Variants in SUSD1 observed in about 807,000 individuals in gnomAD.
SUSD1 encodes sushi domain containing 1.
In SUSD1, 65 loss-of-function variants were observed where a neutral mutation model predicts 86.9. The observed-to-expected ratio is 0.75, with a 90% CI of 0.61 to 0.92. SUSD1 has a LOEUF of 0.92. Ranked by LOEUF, SUSD1 falls within the 40% of genes least tolerant of loss-of-function variation. SUSD1 has a pLI of 0.00. For synonymous variants in SUSD1, 346 were observed against 350.0 expected (o/e 0.99, Z 0.13); for missense variants, 850 against 929.7 (o/e 0.91, Z 1.11).
At chr9:112,081,504 A>G (rs937122961) in intron 10 of SUSD1, among the ~76,000 whole-genome samples, 1 of 152,266 alleles carries the variant, frequency 6.6e-6, no homozygotes, top group African/African-American at 2.4e-5. Flanking sequence ...ACAGCTGGGT[A>G]GAGACAGGTT....
At chr9:112,121,829 AC>A (rs1194615751) in intron 6 of SUSD1, among the ~76,000 whole-genome samples, 1 of 152,220 alleles carries the variant, frequency 6.6e-6, no homozygotes, top group Non-Finnish European at 1.5e-5. Flanking sequence ...CTTCTGATCA[AC>A]CACCACAAAT....
At chr9:112,085,818 G>A (rs1314751670) in intron 10 of SUSD1, among the ~76,000 whole-genome samples, 5 of 151,984 alleles carry the variant, frequency 3.3e-5, no homozygotes, top group Non-Finnish European at 5.9e-5. Context: ...AACTCACTAC[G>A]CATCCTCCAA....
In SUSD1 at chr9:112,173,293, C is replaced by T. The variant is rs1257412510; in HGVS notation, c.103+1840G>A. Among the ~76,000 whole-genome samples, 5 of 152,026 alleles carry T rather than the reference C, an allele frequency of 3.3e-5. No homozygotes were observed. In the East Asian group the frequency reaches 5.8e-4, roughly 18 times the overall value. ...AAGCCAAAGAGAATGGGGGTGGGGGCGGCAGGCAGGATTCTCAACCACAAG... is the reference window on the plus strand; with the variant it reads ...AAGCCAAAGAGAATGGGGGTGGGGGTGGCAGGCAGGATTCTCAACCACAAG... On this transcript the variant is annotated intron_variant, in intron 1 of 16. Coordinates refer to ENST00000374270, the MANE Select transcript of SUSD1 (RefSeq NM_022486.5).
At chr9:112,072,145 TTTTTTTTTTTTG>T (rs1353149777) in intron 12 of SUSD1, among the ~76,000 whole-genome samples, 1 of 146,330 alleles carries the variant, frequency 6.8e-6, no homozygotes, top group Admixed American at 7.0e-5. Context: ...TTTCTCTTTT[TTTTTTTTTTTTG>T]TTTTTTTTTT....
chr9:112,166,426 A>G (rs1564358821), intron 1 of SUSD1, among the ~76,000 whole-genome samples: 1 of 152,208 alleles, frequency 6.6e-6, no homozygotes, highest in African/African-American at 2.4e-5. Context: ...CTGATTCAGT[A>G]GGGGAGAGGC....
rs1564292103 is a variant in SUSD1 at position 112,098,602 on chromosome 9, AGTTAAACGAT to A, written c.1332_1341del (p.Phe446GlnfsTer8). ...ACAGGCACTTGTTCCCTCGTTGTGA[AGTTAAACGAT>A]GTTGCATGAGAAAAGTTAGCCAGAT... On this transcript the variant is annotated frameshift_variant, in exon 10 of 17. Coordinates refer to ENST00000374270, the MANE Select transcript of SUSD1 (RefSeq NM_022486.5). LOFTEE classifies it high-confidence loss of function. The A allele has an allele frequency of 6.2e-7, 1 of 1,614,200 alleles. No homozygotes were observed. The highest frequency in any genetic ancestry group is 1.3e-5 in the African/African-American group (1 of 75,052).
At chr9:112,161,160 T>C (rs973589818) in intron 1 of SUSD1, among the ~76,000 whole-genome samples, 2 of 151,774 alleles carry the variant, frequency 1.3e-5, no homozygotes, top group African/African-American at 4.8e-5. Context: ...GGTGGATCAC[T>C]CGAGGTCAGG....
At chr9:112,120,431 T>C (rs1342781174) in intron 6 of SUSD1, among the ~76,000 whole-genome samples, 1 of 152,160 alleles carries the variant, frequency 6.6e-6, no homozygotes, top group African/African-American at 2.4e-5. Context: ...TCAGCAGCTC[T>C]CACTACATTA....
intron 5 of SUSD1, among the ~76,000 whole-genome samples, chr9:112,128,376 G>A (rs1831870161): frequency 6.6e-6 from 1 of 151,400 alleles, no homozygotes; most frequent in Non-Finnish European, 1.5e-5. Flanking sequence ...TTATAGGCGT[G>A]AGCCACCATG....
At chr9:112,136,143 G>A (rs1023241321) in intron 5 of SUSD1, among the ~76,000 whole-genome samples, 2 of 152,236 alleles carry the variant, frequency 1.3e-5, no homozygotes, top group African/African-American at 2.4e-5. Context: ...CAACGGGTAA[G>A]TCAATGCAGT....
chr9:112,068,358 T>C (rs1829085763), intron 12 of SUSD1, among the ~76,000 whole-genome samples: 2 of 151,572 alleles, frequency 1.3e-5, no homozygotes, highest in Admixed American at 1.3e-4. Flanking sequence ...GTTAGAGGGG[T>C]AGGTGTGGGT....
rs114264870 is a variant in SUSD1 at position 112,123,316 on chromosome 9, G to A, written c.886+941C>T. 6.8e-3 allele frequency among the ~76,000 whole-genome samples: 1,037 copies of A among 152,188 alleles called. 5 individuals carry two copies. The highest frequency in any genetic ancestry group is 0.023 in the African/African-American group (974 of 41,482). ...AGAGAGGGAGCCAGAAAGAGAGAAGGAGGTGCCAGGTTCCTTTTAACAATC... is the reference window on the plus strand; with the variant it reads ...AGAGAGGGAGCCAGAAAGAGAGAAGAAGGTGCCAGGTTCCTTTTAACAATC... On this transcript the variant is annotated intron_variant, in intron 6 of 16. Transcript: ENST00000374270.
chr9:112,096,523 A>C (rs890905289), intron 10 of SUSD1, among the ~76,000 whole-genome samples: 2 of 152,160 alleles, frequency 1.3e-5, no homozygotes, highest in Non-Finnish European at 2.9e-5. Context: ...TTATTTTACA[A>C]GGAGAGGTGG....
At chr9:112,108,973 A>G (rs1338209051) in intron 8 of SUSD1, among the ~76,000 whole-genome samples, 4 of 152,138 alleles carry the variant, frequency 2.6e-5, no homozygotes, top group Non-Finnish European at 4.4e-5. Flanking sequence ...TCAACCTCTA[A>G]AAAGAGAAAG....
At chr9:112,093,062 C>T (rs560337877) in intron 10 of SUSD1, among the ~76,000 whole-genome samples, 18 of 152,232 alleles carry the variant, frequency 1.2e-4, no homozygotes, top group Admixed American at 2.0e-4. Flanking sequence ...ACATAGACTC[C>T]TAGAACTATA....
chr9:112,056,201 A>G (rs1828440531), intron 14 of SUSD1, among the ~76,000 whole-genome samples: 1 of 152,010 alleles, frequency 6.6e-6, no homozygotes, highest in Admixed American at 6.6e-5. Flanking sequence ...CCGGGGGTTG[A>G]GGCTGCAGTG....
At chr9:112,085,783 A>G (rs901375203) in intron 10 of SUSD1, among the ~76,000 whole-genome samples, 2 of 152,180 alleles carry the variant, frequency 1.3e-5, no homozygotes, top group Non-Finnish European at 1.5e-5. Flanking sequence ...CCAATCATCA[A>G]AGATAATGGT....
Position 112,157,582 on chromosome 9 carries a change from A to G in SUSD1, c.135T>C (p.His45=). ...TCCCTTCTCTTTGCTGGCATGTGGCATGTTCATGGCAAGTGGCACAGACGT... is the reference window on the plus strand; with the variant it reads ...TCCCTTCTCTTTGCTGGCATGTGGCGTGTTCATGGCAAGTGGCACAGACGT... ...GLDVCATCHE[H]ATCQQREGKK... is the part of the protein sequence containing the mutation. The change falls in exon 2 of 17, where the codon CAT becomes CAC. Residue 45 remains histidine (H), a synonymous_variant. Coordinates refer to ENST00000374270, the MANE Select transcript of SUSD1 (RefSeq NM_022486.5). 6.2e-7 allele frequency: 1 copy of G among 1,614,136 alleles called. No homozygotes were observed. The highest frequency in any genetic ancestry group is 8.5e-7 in the Non-Finnish European group (1 of 1,179,988).
Position 112,165,857 on chromosome 9 carries a change from G to GA in SUSD1, c.104-8245_104-8244insT, listed in dbSNP as rs879435864. Reference sequence around the variant, plus strand: ...GAGAAAGAAAGAAAGAGAAAGAGAAGGAAGGAAGGAAGGAAGAAAGAGAAA... The same window carrying GA: ...GAGAAAGAAAGAAAGAGAAAGAGAAGAGAAGGAAGGAAGGAAGAAAGAGAAA... On this transcript the variant is annotated intron_variant, in intron 1 of 16. Transcript: ENST00000374270. 1.3e-4 allele frequency among the ~76,000 whole-genome samples: 18 copies of GA among 139,636 alleles called. No homozygotes were observed. In the East Asian group the frequency reaches 2.1e-3, roughly 16 times the overall value. 91.6% of individuals were successfully genotyped at this position (139,636 alleles called of 152,430 possible).
Sources: allele counts gnomAD v4.1 joint callset (sites outside exome capture counted in the v4.1 genomes callset), GRCh38; gene constraint gnomAD v4.1.1; transcripts MANE v1.5; gene names NCBI Gene and HGNC (gene_info 2026-07-23, HGNC 2026-07-21).